EXOC5: variants seen among roughly 807,000 people sequenced by gnomAD.
EXOC5 encodes the protein exocyst complex component 5, also known as SEC10-like 1.
In EXOC5, 17 loss-of-function variants were observed where a neutral mutation model predicts 90.8. That is an observed-to-expected ratio of 0.19 (90% CI 0.13 to 0.28). The LOEUF is 0.28. Ranked by LOEUF, EXOC5 falls within the 10% of genes least tolerant of loss-of-function variation. The pLI, the probability that EXOC5 is intolerant of heterozygous loss-of-function variation, is 1.00. For synonymous variants in EXOC5, 260 were observed against 270.0 expected (o/e 0.96, Z 0.36); for missense variants, 569 against 830.6 (o/e 0.69, Z 3.87).
chr14:57,257,671 C>CA (rs1884391167), intron 1 of EXOC5, among the ~76,000 whole-genome samples: 1 of 151,260 alleles, frequency 6.6e-6, no homozygotes, highest in Admixed American at 6.6e-5. Flanking sequence ...TCCAAAAAAG[C>CA]AAAAAATAAA....
At chr14:57,216,384 A>G (rs1882974305) in intron 15 of EXOC5, among the ~76,000 whole-genome samples, 1 of 152,186 alleles carries the variant, frequency 6.6e-6, no homozygotes, top group Non-Finnish European at 1.5e-5. Context: ...TCTTGGTTAG[A>G]AAATATATCA....
chr14:57,268,351 C>T, intron 1 of EXOC5: 1 of 826,580 alleles, frequency 1.2e-6, no homozygotes, highest in Non-Finnish European at 1.8e-6. Context: ...TCCCTCTTGC[C>T]CCCACAAACA....
chr14:57,263,958 C>T (rs771471763), intron 1 of EXOC5, among the ~76,000 whole-genome samples: 5 of 152,072 alleles, frequency 3.3e-5, no homozygotes, highest in Non-Finnish European at 7.4e-5. Flanking sequence ...CCATCAACAT[C>T]CAATTTCTAT....
chr14:57,233,647 C>T (rs1188473138), intron 9 of EXOC5, 96 bp downstream of exon 9: 3 of 739,440 alleles, frequency 4.1e-6, no homozygotes, highest in Admixed American at 5.9e-5. Context: ...AAGGTCATTA[C>T]ATAAGTAAAC....
At chr14:57,263,188 G>T (rs1884568131) in intron 1 of EXOC5, among the ~76,000 whole-genome samples, 1 of 152,180 alleles carries the variant, frequency 6.6e-6, no homozygotes, top group Non-Finnish European at 1.5e-5. Context: ...ACTTCCCCCA[G>T]GCTGGACCCA....
At chr14:57,264,630 C>T (rs1435455200) in intron 1 of EXOC5, among the ~76,000 whole-genome samples, 1 of 152,220 alleles carries the variant, frequency 6.6e-6, no homozygotes, top group African/African-American at 2.4e-5. Context: ...GAATGCTCCC[C>T]TTATCTCCAG....
At chr14:57,212,131 T>C (rs763652800) in intron 15 of EXOC5, among the ~76,000 whole-genome samples, 2 of 152,192 alleles carry the variant, frequency 1.3e-5, no homozygotes, top group Non-Finnish European at 2.9e-5. Context: ...TCCCAAAGTG[T>C]TGGGATTATA....
chr14:57,240,346 A>G (rs1047999808), intron 4 of EXOC5, among the ~76,000 whole-genome samples: 6 of 151,986 alleles, frequency 3.9e-5, no homozygotes, highest in Non-Finnish European at 5.9e-5. Context: ...CAATGGCGCG[A>G]TATCTGCTCA....
At position 57,222,426 on chromosome 14, in the gene EXOC5, A is replaced by G; in HGVS notation, c.1297-10T>C. On this transcript the variant is annotated splice_polypyrimidine_tract_variant and intron_variant, in intron 12 of 17. Transcript: ENST00000621441. ...CAGAAGGATCAGAGAGCTTAAAAACAAAAATCAAACAATATCACTCCTCAA... is the reference window on the plus strand; with the variant it reads ...CAGAAGGATCAGAGAGCTTAAAAACGAAAATCAAACAATATCACTCCTCAA... 6.6e-7 allele frequency: 1 copy of G among 1,508,754 alleles called. No individual in the cohort carries two copies. Among genetic ancestry groups the G allele is most frequent in the Non-Finnish European group, 9.1e-7 (1 of 1,098,388 alleles). 93.5% of individuals were successfully genotyped at this position (1,508,754 alleles called of 1,614,324 possible).
rs370352570 is a variant in EXOC5, at chr14:57,207,283, T to A, written c.*1326A>T. 6.6e-6 allele frequency: 1 copy of A among 152,454 alleles called. No individual in the cohort carries two copies. Among genetic ancestry groups the A allele is most frequent in the Non-Finnish European group, 1.5e-5 (1 of 67,914 alleles). The allele number at this position is 152,454 out of a possible 1,614,324, so 9.4% of individuals were successfully genotyped here. A position where few individuals can be genotyped will look rare whatever the true frequency, so the allele number is the denominator to read the frequency against. ...TTTTCCAAAAATAGGCTAAAAAGCC[T>A]ATATTAAAGAAAAAATGCCAAGAGT... On this transcript the variant is annotated 3_prime_UTR_variant, in exon 18 of 18. Coordinates refer to ENST00000621441, the MANE Select transcript of EXOC5 (RefSeq NM_006544.4).
chr14:57,236,191 A>G (rs1883652893), intron 6 of EXOC5, among the ~76,000 whole-genome samples: 1 of 152,130 alleles, frequency 6.6e-6, no homozygotes, highest in Non-Finnish European at 1.5e-5. Flanking sequence ...ACTCTTTACT[A>G]GAGTTCTGAT....
intron 12 of EXOC5, among the ~76,000 whole-genome samples, chr14:57,229,063 G>A (rs1883399825): frequency 6.6e-6 from 1 of 152,042 alleles, no homozygotes; most frequent in African/African-American, 2.4e-5. Context: ...TCCCTTTGAT[G>A]TTGATGCTCT....
intron 4 of EXOC5, among the ~76,000 whole-genome samples, chr14:57,242,482 A>C (rs568677248): frequency 1.3e-5 from 2 of 152,036 alleles, no homozygotes; most frequent in African/African-American, 4.8e-5. Context: ...AAGCCCAAGC[A>C]ATCATCCTGC....
intron 7 of EXOC5, among the ~76,000 whole-genome samples, chr14:57,235,215 A>G (rs1449378760): frequency 1.3e-5 from 2 of 152,180 alleles, no homozygotes; most frequent in African/African-American, 4.8e-5. Flanking sequence ...TTGCAGAAAT[A>G]TACTCCTACA....
Position 57,267,751 on chromosome 14 carries a change from T to C in EXOC5, c.27+871A>G, listed in dbSNP as rs1311294501. Among the ~76,000 whole-genome samples the C allele has an allele frequency of 3.9e-5, 6 of 152,196 alleles. No homozygotes were observed. The East Asian group carries it at 1.2e-3, about 29-fold the overall frequency. On this transcript the variant is annotated intron_variant, in intron 1 of 17. Transcript: ENST00000621441. ...GCTTCTTACAACGGACTTCACGAAA[T>C]TAAATTTTAAGGTTTAGATACTGTA...
chr14:57,222,450 A>C, intron 12 of EXOC5, 34 bp from the exon 13 acceptor site: 99 of 1,244,668 alleles, frequency 8.0e-5, no homozygotes, highest in Non-Finnish European at 1.1e-4. Flanking sequence ...ATCACTCCTC[A>C]AGTCTACCTT....
At chr14:57,221,465 C>T (rs1243031242) in intron 13 of EXOC5, among the ~76,000 whole-genome samples, 1 of 152,104 alleles carries the variant, frequency 6.6e-6, no homozygotes, top group African/African-American at 2.4e-5. Context: ...CAAGAATGTA[C>T]ACAGGGAGAC....
rs373374632 is a variant in EXOC5 at position 57,233,807 on chromosome 14, A to G, written c.791T>C (p.Ile264Thr). 7.4e-5 allele frequency: 118 copies of G among 1,603,262 alleles called. No homozygotes were observed. The Middle Eastern group carries it at 9.9e-4, about 13-fold the overall frequency. The change falls in exon 9 of 18, where the codon ATC becomes ACC. Residue 264 changes from isoleucine (I) to threonine (T), a missense_variant. By Grantham distance (89) the Ile-to-Thr change is moderately conservative. This residue lies in a region of EXOC5 where 114 missense variants were observed against 111.2 expected (regional missense o/e 1.03). Transcript: ENST00000621441. ...CQRVNKQVGD[I>T]FSNPETVLAK... The stretch of plus-strand genomic sequence containing the variant: ...CAGGACTGTTTCTGGATTACTGAAG[A>G]TATCTCCAACTTGTTTGTTCACTCT...
chr14:57,209,817 T>C (rs1377099996), intron 16 of EXOC5, 35 bp from the exon 17 acceptor site: 2 of 1,444,912 alleles, frequency 1.4e-6, no homozygotes. Flanking sequence ...TACACAGGAA[T>C]GTATACCAGC....
Sources: allele counts gnomAD v4.1 joint callset (sites outside exome capture counted in the v4.1 genomes callset), GRCh38; gene constraint gnomAD v4.1.1; regional missense constraint gnomAD v4.1.1; transcripts MANE v1.5; gene names NCBI Gene and HGNC (gene_info 2026-07-23, HGNC 2026-07-21).